The following HEMK2 variants were observed in gnomAD, a reference collection of about 807,000 sequenced individuals.
HEMK2 encodes the protein methyltransferase HEMK2.
chr21:28,593,459 T>A, the HEMK2 span, among the ~76,000 whole-genome samples: 1 of 152,118 alleles, frequency 6.6e-6, no homozygotes, highest in Non-Finnish European at 1.5e-5. Context: ...AGTAACAACA[T>A]CACATGAGCA....
At chr21:28,751,985 AAT>A in the HEMK2 span, among the ~76,000 whole-genome samples, 3 of 147,604 alleles carry the variant, frequency 2.0e-5, no homozygotes, top group African/African-American at 7.6e-5. Context: ...AGAAAAAAAA[AAT>A]GTTTGTTTTA....
chr21:28,753,199 A>C, the HEMK2 span, among the ~76,000 whole-genome samples: 1,655 of 152,156 alleles, frequency 0.011, 25 homozygotes, highest in African/African-American at 0.037. Context: ...TCCACTAAAA[A>C]TAACAAAATT....
chr21:28,805,796 G>C, the HEMK2 span, among the ~76,000 whole-genome samples: 3 of 152,072 alleles, frequency 2.0e-5, no homozygotes, highest in Admixed American at 6.6e-5. Context: ...TTATTTAAAA[G>C]TTCTGCTTTC....
At chr21:28,821,082 C>T in the HEMK2 span, among the ~76,000 whole-genome samples, 1 of 152,138 alleles carries the variant, frequency 6.6e-6, no homozygotes, top group Non-Finnish European at 1.5e-5. Context: ...AAAGCATAAA[C>T]AATAAATGCC....
At chr21:28,599,419 A>G in the HEMK2 span, among the ~76,000 whole-genome samples, 1 of 152,154 alleles carries the variant, frequency 6.6e-6, no homozygotes, top group Non-Finnish European at 1.5e-5. Flanking sequence ...CTCTCATAAA[A>G]CCATCAGATC....
chr21:28,874,825 G>A, the HEMK2 span: 1 of 152,178 alleles, frequency 6.6e-6, no homozygotes, highest in Non-Finnish European at 1.5e-5. Flanking sequence ...CCAAACCACT[G>A]GCCACGGCCT....
chr21:28,738,155 T>C, the HEMK2 span, among the ~76,000 whole-genome samples: 1 of 152,234 alleles, frequency 6.6e-6, no homozygotes, highest in Non-Finnish European at 1.5e-5. Flanking sequence ...CTTCCACTTA[T>C]GTATGTGTTA....
chr21:28,600,245 G>T, the HEMK2 span, among the ~76,000 whole-genome samples: 2 of 152,252 alleles, frequency 1.3e-5, no homozygotes, highest in East Asian at 3.8e-4. Flanking sequence ...GCAAACTTCT[G>T]CATGGACATC....
chr21:28,815,075 T>C, the HEMK2 span, among the ~76,000 whole-genome samples: 2 of 152,020 alleles, frequency 1.3e-5, no homozygotes, highest in Non-Finnish European at 2.9e-5. Context: ...TTCATGTCCT[T>C]TGTAGGGACA....
chr21:28,665,187 T>G, the HEMK2 span, among the ~76,000 whole-genome samples: 7 of 151,592 alleles, frequency 4.6e-5, no homozygotes, highest in South Asian at 1.5e-3. Context: ...TCAGGATGTC[T>G]TGAGTCTGGG....
chr21:28,834,657 G>A, the HEMK2 span, among the ~76,000 whole-genome samples: 1 of 152,174 alleles, frequency 6.6e-6, no homozygotes, highest in Admixed American at 6.5e-5. Context: ...CCAGAACTCA[G>A]GGGAGGGCAC....
the HEMK2 span, among the ~76,000 whole-genome samples, chr21:28,784,898 T>C: frequency 6.6e-6 from 1 of 152,204 alleles, no homozygotes; most frequent in Non-Finnish European, 1.5e-5. Context: ...GCAATAAATC[T>C]TGCTGCTGCT....
the HEMK2 span, among the ~76,000 whole-genome samples, chr21:28,747,242 C>G: frequency 1.3e-5 from 2 of 152,180 alleles, no homozygotes; most frequent in African/African-American, 4.8e-5. Flanking sequence ...AGAAGCAAAT[C>G]TAGAGTTGTC....
At chr21:28,879,224 ACAGGCGCAAG>A in the HEMK2 span, among the ~76,000 whole-genome samples, 1 of 151,804 alleles carries the variant, frequency 6.6e-6, no homozygotes, top group Non-Finnish European at 1.5e-5. Context: ...ATGTAGGACT[ACAGGCGCAAG>A]CCACCATGCC....
the HEMK2 span, among the ~76,000 whole-genome samples, chr21:28,644,778 T>C: frequency 1.3e-5 from 2 of 152,244 alleles, no homozygotes; most frequent in Non-Finnish European, 2.9e-5. Context: ...TAATTTGTTC[T>C]GGTGGTTTTG....
chr21:28,737,507 C>A, the HEMK2 span, among the ~76,000 whole-genome samples: 3 of 151,968 alleles, frequency 2.0e-5, no homozygotes, highest in African/African-American at 7.3e-5. Flanking sequence ...ATTCAAAAAT[C>A]TGCCTTTTTT....
chr21:28,729,820 T>C, the HEMK2 span, among the ~76,000 whole-genome samples: 1 of 152,204 alleles, frequency 6.6e-6, no homozygotes, highest in Non-Finnish European at 1.5e-5. Context: ...TTGAGGTTTT[T>C]AGAAGACGGG....
the HEMK2 span, among the ~76,000 whole-genome samples, chr21:28,883,580 T>C: frequency 6.8e-6 from 1 of 146,484 alleles, no homozygotes; most frequent in South Asian, 2.2e-4. Context: ...AAAATTCTTT[T>C]TCTGGACAGC....
chr21:28,600,979 G>A, the HEMK2 span, among the ~76,000 whole-genome samples: 2 of 152,160 alleles, frequency 1.3e-5, no homozygotes, highest in Non-Finnish European at 2.9e-5. Context: ...TCATTCTTCT[G>A]GCTGCTTAAG....
Sources: gnomAD v4.1 joint callset for allele counts (sites outside exome capture counted in the v4.1 genomes callset) on GRCh38, gnomAD v4.1.1 for gene constraint, MANE v1.5 for transcripts, NCBI Gene and HGNC (gene_info 2026-07-23, HGNC 2026-07-21) for gene names.